The following LYRM4 variants were observed in gnomAD, a reference collection of about 807,000 sequenced individuals.
LYRM4 encodes the protein LYR motif-containing protein 4.
A neutral mutation model predicts 11.7 loss-of-function variants in LYRM4; 9 were observed. That is an observed-to-expected ratio of 0.77 (90% CI 0.46 to 1.34). The LOEUF (loss-of-function observed/expected upper bound fraction) is 1.34, where lower values mean the gene tolerates loss of function less well. Ranked by LOEUF, LYRM4 falls within the 40% of genes most tolerant of loss-of-function variation. The pLI, the probability that LYRM4 is intolerant of heterozygous loss-of-function variation, is 0.00. For synonymous variants in LYRM4, 42 were observed against 40.4 expected (o/e 1.04, Z -0.15); for missense variants, 133 against 112.5 (o/e 1.18, Z -0.82).
chr6:5,150,007 C>A (rs1234006369), intron 2 of LYRM4, among the ~76,000 whole-genome samples: 7 of 152,190 alleles, frequency 4.6e-5, no homozygotes, highest in African/African-American at 1.7e-4. Flanking sequence ...TCTTTATGCA[C>A]AGAAGCAGAT....
chr6:5,174,878 C>A (rs1759631692), intron 2 of LYRM4, among the ~76,000 whole-genome samples: 2 of 152,154 alleles, frequency 1.3e-5, no homozygotes, highest in Non-Finnish European at 2.9e-5. Flanking sequence ...AAAATTGAAG[C>A]TCTCTTTCAG....
chr6:5,204,291 G>A (rs754291468), intron 2 of LYRM4, among the ~76,000 whole-genome samples: 1 of 152,128 alleles, frequency 6.6e-6, no homozygotes. Flanking sequence ...GGGTGGGCTG[G>A]GGGACAGGGG....
rs78950012 is a variant in LYRM4 at position 5,139,634 on chromosome 6, A to G, written c.208-30143T>C. ...TAACTGGATGTGTACACAGACTATA[A>G]TCTACTCTTGTGCTGATCACTGAGC... On this transcript the variant is annotated intron_variant, in intron 2 of 2. Transcript: ENST00000330636. Among the ~76,000 whole-genome samples, 175 of 152,298 alleles carry G rather than the reference A, an allele frequency of 1.1e-3. 3 individuals are homozygous for G. In the East Asian group the frequency reaches 0.033, roughly 29 times the overall value.
At chr6:5,056,664 C>T in the LYRM4 span, among the ~76,000 whole-genome samples, 2 of 152,180 alleles carry the variant, frequency 1.3e-5, no homozygotes, top group Non-Finnish European at 2.9e-5. Flanking sequence ...AGGTAGCTGT[C>T]AAGCTCATGG....
At position 5,245,107 on chromosome 6, in the gene LYRM4, AAAAAAAATATATATATATATATATATAT is replaced by A. The variant is rs1326693597; in HGVS notation, c.86+15513_86+15540del. Among the ~76,000 whole-genome samples, 94 of 49,694 alleles carry A rather than the reference AAAAAAAATATATATATATATATATATAT, an allele frequency of 1.9e-3. 2 individuals are homozygous for A. The highest frequency in any genetic ancestry group is 2.9e-3 in the East Asian group (6 of 2,062). 32.6% of individuals were successfully genotyped at this position (49,694 alleles called of 152,430 possible). A position where few individuals can be genotyped will look rare whatever the true frequency, so the allele number is the denominator to read the frequency against. ...AAGACCTTAAAAAAAAAAAAAAAAA[AAAAAAAATATATATATATATATATATAT>A]ATATATATATATATATATATATATA... On this transcript the variant is annotated intron_variant, in intron 1 of 2. Transcript: ENST00000330636.
At chr6:5,038,903 A>G in the LYRM4 span, among the ~76,000 whole-genome samples, 53 of 119,246 alleles carry the variant, frequency 4.4e-4, no homozygotes, top group African/African-American at 1.8e-3. Context: ...GGAGAGGGAG[A>G]GGGAGAGGGA....
At chr6:5,072,576 GTT>G in the LYRM4 span, among the ~76,000 whole-genome samples, 13 of 131,638 alleles carry the variant, frequency 9.9e-5, no homozygotes, top group Non-Finnish European at 1.2e-4. Flanking sequence ...TCACATCAAA[GTT>G]TTTTTTTTTT....
intron 1 of LYRM4, among the ~76,000 whole-genome samples, chr6:5,223,330 G>A (rs1173007839): frequency 6.6e-6 from 1 of 152,184 alleles, no homozygotes; most frequent in African/African-American, 2.4e-5. Context: ...AGTGTGCTAA[G>A]TACTTGATAC....
chr6:5,228,244 G>C (rs913382899), intron 1 of LYRM4, among the ~76,000 whole-genome samples: 2 of 152,046 alleles, frequency 1.3e-5, no homozygotes, highest in Non-Finnish European at 2.9e-5. Flanking sequence ...AATAATAATT[G>C]GACCTTGGAG....
intron 1 of LYRM4, among the ~76,000 whole-genome samples, chr6:5,259,259 A>G (rs1764828652): frequency 6.6e-6 from 1 of 152,184 alleles, no homozygotes. Context: ...AATGGTTTCT[A>G]TTTATTTAAC....
At chr6:5,093,333 G>T in the LYRM4 span, among the ~76,000 whole-genome samples, 7 of 152,264 alleles carry the variant, frequency 4.6e-5, no homozygotes, top group Non-Finnish European at 8.8e-5. Context: ...TCTGAGGCCA[G>T]GGGCTGTCCC....
At chr6:5,138,459 C>A (rs1757219984) in intron 2 of LYRM4, among the ~76,000 whole-genome samples, 1 of 127,854 alleles carries the variant, frequency 7.8e-6, no homozygotes, top group Non-Finnish European at 1.6e-5. Flanking sequence ...GTACTTCAGC[C>A]TGGGCCAACA....
chr6:5,084,480 C>T, the LYRM4 span: 1 of 152,010 alleles, frequency 6.6e-6, no homozygotes, highest in Non-Finnish European at 1.5e-5. Context: ...CCCACGGGGC[C>T]CCCTCTCCGC....
chr6:5,079,386 T>A, the LYRM4 span, among the ~76,000 whole-genome samples: 7 of 152,258 alleles, frequency 4.6e-5, no homozygotes, highest in Admixed American at 2.0e-4. Flanking sequence ...AAGGAAGGCA[T>A]CTTTCTTATA....
intron 1 of LYRM4, among the ~76,000 whole-genome samples, chr6:5,223,913 T>C (rs544042439): frequency 1.3e-5 from 2 of 152,214 alleles, no homozygotes; most frequent in African/African-American, 2.4e-5. Flanking sequence ...TTTTCCATTA[T>C]CTTGAGATAA....
In LYRM4 at chr6:5,214,212, G is replaced by A. The variant is rs150031848; in HGVS notation, c.207+2406C>T. ...GTCACAAAAACTAAGGCAGGGCAGC[G>A]GAGAGAGAGAGAATCTGTTTTAGAT... On this transcript the variant is annotated intron_variant, in intron 2 of 2. Coordinates refer to ENST00000330636, the MANE Select transcript of LYRM4 (RefSeq NM_020408.6). 7.7e-3 allele frequency among the ~76,000 whole-genome samples: 1,180 copies of A among 152,262 alleles called. 6 individuals carry two copies. Among genetic ancestry groups the A allele is most frequent in the Non-Finnish European group, 0.013 (868 of 68,010 alleles).
At chr6:5,090,040 AC>A in the LYRM4 span, among the ~76,000 whole-genome samples, 28 of 109,036 alleles carry the variant, frequency 2.6e-4, no homozygotes, top group African/African-American at 1.0e-3. This position sits in a 1 kb window ranked among gnomAD's most constrained non-coding sequence, Gnocchi z 4.8. Flanking sequence ...ACACACACAC[AC>A]CACACACACA....
intron 2 of LYRM4, among the ~76,000 whole-genome samples, chr6:5,140,375 C>T (rs1757339156): frequency 6.6e-6 from 1 of 151,726 alleles, no homozygotes. Context: ...TTTAACAATA[C>T]TTAAAAAAAA....
At chr6:5,073,295 G>T in the LYRM4 span, among the ~76,000 whole-genome samples, 3 of 152,034 alleles carry the variant, frequency 2.0e-5, no homozygotes, top group South Asian at 2.1e-4. Flanking sequence ...ATTTGAACCC[G>T]GGAAGTGGAG....
Sources: allele counts gnomAD v4.1 joint callset (sites outside exome capture counted in the v4.1 genomes callset), GRCh38; gene constraint gnomAD v4.1.1; non-coding constraint Gnocchi (gnomAD v3.1); transcripts MANE v1.5; gene names NCBI Gene and HGNC (gene_info 2026-07-23, HGNC 2026-07-21).